Variants in RTTN observed in about 807,000 individuals in gnomAD.
RTTN encodes the protein rotatin.
RTTN carries 182 observed loss-of-function variants against 269.2 expected under a neutral mutation model. The observed-to-expected ratio is 0.68, with a 90% CI of 0.60 to 0.76. The LOEUF is 0.76. Ranked by LOEUF, RTTN falls within the 30% of genes least tolerant of loss-of-function variation. RTTN has a pLI of 0.00. For synonymous variants in RTTN, 1,006 were observed against 963.5 expected (o/e 1.04, Z -0.82); for missense variants, 2,545 against 2,608.6 (o/e 0.98, Z 0.53).
intron 21 of RTTN, 87 bp from the exon 22 acceptor site, chr18:70,135,367 A>G: frequency 1.3e-6 from 1 of 787,992 alleles, no homozygotes; most frequent in Non-Finnish European, 2.0e-6. Context: ...ATTTGAAGAG[A>G]AAAGAAATGC....
chr18:70,029,390 G>A (rs779982902), intron 42 of RTTN, among the ~76,000 whole-genome samples: 1 of 152,086 alleles, frequency 6.6e-6, no homozygotes, highest in African/African-American at 2.4e-5. Flanking sequence ...GTTAACCACA[G>A]TAGTTATTAT....
intron 10 of RTTN, among the ~76,000 whole-genome samples, chr18:70,180,313 G>T (rs190769292): frequency 6.6e-6 from 1 of 152,208 alleles, no homozygotes; most frequent in East Asian, 1.9e-4. Flanking sequence ...TGGCCAACAT[G>T]GCAAAACCCA....
chr18:70,046,553 G>C (rs2144763496), intron 40 of RTTN, among the ~76,000 whole-genome samples: 1 of 152,302 alleles, frequency 6.6e-6, no homozygotes, highest in Admixed American at 6.5e-5. Context: ...TGCAAAACTG[G>C]AGACTCAGTT....
chr18:70,095,682 G>T (rs2058983462), intron 28 of RTTN, among the ~76,000 whole-genome samples: 1 of 152,066 alleles, frequency 6.6e-6, no homozygotes, highest in Admixed American at 6.5e-5. Flanking sequence ...AACAGGGATG[G>T]GCTTCCCTTT....
At chr18:70,102,743 A>C (rs2059203638) in intron 28 of RTTN, among the ~76,000 whole-genome samples, 1 of 152,178 alleles carries the variant, frequency 6.6e-6, no homozygotes, top group Non-Finnish European at 1.5e-5. Context: ...TGATTCCTTC[A>C]GGAGCTCTTG....
intron 40 of RTTN, among the ~76,000 whole-genome samples, chr18:70,036,854 GT>G (rs1199693888): frequency 6.6e-6 from 1 of 152,208 alleles, no homozygotes; most frequent in Non-Finnish European, 1.5e-5. Flanking sequence ...ACAGTACCTG[GT>G]TTTAATGTGT....
chr18:70,128,490 A>C lies in RTTN; in HGVS notation c.3011T>G (p.Val1004Gly), dbSNP rs2059921401. The C allele has an allele frequency of 6.2e-7, 1 of 1,613,240 alleles. No individual in the cohort carries two copies. Among genetic ancestry groups the C allele is most frequent in the Non-Finnish European group, 8.5e-7 (1 of 1,179,496 alleles). ...GHHAVSPYSI[V>G]LPLSADCLAL... ...CAAACAATCAGCAGATAAGGGCAAA[A>C]CTATGGAGTAAGGACTCACAGCATG... Residue 1004 changes from valine (V) to glycine (G), a missense_variant, in exon 24 of 49, where the codon GTT (valine) becomes GGT (glycine). Coordinates refer to ENST00000640769, the MANE Select transcript of RTTN (RefSeq NM_173630.4).
chr18:70,132,877 C>T (rs2060031929), intron 23 of RTTN, among the ~76,000 whole-genome samples: 1 of 152,052 alleles, frequency 6.6e-6, no homozygotes, highest in Non-Finnish European at 1.5e-5. Flanking sequence ...AGTAATAAAA[C>T]CCTTTCTCCT....
At position 70,072,999 on chromosome 18, in the gene RTTN, A is replaced by C. The variant is rs543174226; in HGVS notation, c.4653+907T>G. ...AAAAAGACTTAAAACTGTAGCAAAAAGTATCAGTCTTTTGAGAAACTAGGA... is the reference window on the plus strand; with the variant it reads ...AAAAAGACTTAAAACTGTAGCAAAACGTATCAGTCTTTTGAGAAACTAGGA... On this transcript the variant is annotated intron_variant, in intron 34 of 48. Coordinates refer to ENST00000640769, the MANE Select transcript of RTTN (RefSeq NM_173630.4). Among the ~76,000 whole-genome samples the C allele has an allele frequency of 2.0e-5, 3 of 152,264 alleles. No homozygotes were observed. The East Asian group carries it at 5.8e-4, about 29-fold the overall frequency.
intron 43 of RTTN, among the ~76,000 whole-genome samples, chr18:70,027,584 T>G (rs1194957082): frequency 6.6e-6 from 1 of 152,172 alleles, no homozygotes; most frequent in Non-Finnish European, 1.5e-5. Flanking sequence ...TTTCCCTGAA[T>G]AAGGTGTCAT....
rs530296929 is a variant in RTTN at position 70,096,907 on chromosome 18, C to T, written c.3904-4103G>A. ...GAAGCTGTGCCCACAGCTGCCCCTT[C>T]CCCAAGGTCAAAAATTTAAAATTTT... On this transcript the variant is annotated intron_variant, in intron 28 of 48. Transcript: ENST00000640769. 3.3e-5 allele frequency among the ~76,000 whole-genome samples: 5 copies of T among 152,214 alleles called. No homozygotes were observed. The South Asian group carries it at 1.0e-3, about 32-fold the overall frequency.
At position 70,076,100 on chromosome 18, in the gene RTTN, G is replaced by C. The variant is rs1599408867; in HGVS notation, c.4375-559C>G. On this transcript the variant is annotated intron_variant, in intron 32 of 48. Transcript: ENST00000640769. ...ATACACACACATGAACTGCCACCAGGAGGCTGAAAAGAATCTGCTATTACA... is the reference window on the plus strand; with the variant it reads ...ATACACACACATGAACTGCCACCAGCAGGCTGAAAAGAATCTGCTATTACA... 2.0e-5 allele frequency among the ~76,000 whole-genome samples: 3 copies of C among 151,882 alleles called. No homozygotes were observed. In the East Asian group the frequency reaches 5.8e-4, roughly 29 times the overall value.
At chr18:70,195,008 CAG>C (rs2061768578) in intron 7 of RTTN, among the ~76,000 whole-genome samples, 1 of 152,108 alleles carries the variant, frequency 6.6e-6, no homozygotes, top group African/African-American at 2.4e-5. Flanking sequence ...CATTTACAGT[CAG>C]AGAGAGGGGG....
chr18:70,086,277 T>C (rs2145181341), intron 32 of RTTN, among the ~76,000 whole-genome samples: 1 of 152,300 alleles, frequency 6.6e-6, no homozygotes, highest in Admixed American at 6.5e-5. Context: ...ATTTAAACTC[T>C]CTATGCAAAA....
Position 70,075,198 on chromosome 18 carries a change from G to A in RTTN, c.4564+154C>T, listed in dbSNP as rs907954570. The stretch of plus-strand genomic sequence containing the variant: ...AAGGCTATACAGAGAAAGAAGACGG[G>A]AAGAAAATACATCTCTCTGGGTGGT... On this transcript the variant is annotated intron_variant, in intron 33 of 48. Coordinates refer to ENST00000640769, the MANE Select transcript of RTTN (RefSeq NM_173630.4). The A allele has an allele frequency of 3.6e-5, 19 of 534,668 alleles. No homozygotes were observed. In the African/African-American group the frequency reaches 3.6e-4, roughly 10 times the overall value. 33.1% of individuals were successfully genotyped at this position (534,668 alleles called of 1,614,324 possible).
intron 43 of RTTN, 98 bp from the exon 44 acceptor site, chr18:70,024,946 A>C: frequency 7.3e-7 from 1 of 1,360,654 alleles, no homozygotes; most frequent in Non-Finnish European, 1.0e-6. Flanking sequence ...ATAAGACCCA[A>C]GGAGAACCCT....
chr18:70,168,460 C>A (rs2061049884), intron 12 of RTTN, among the ~76,000 whole-genome samples: 1 of 152,066 alleles, frequency 6.6e-6, no homozygotes, highest in Non-Finnish European at 1.5e-5. Context: ...TAAGAACTAT[C>A]TATAAAATAT....
chr18:70,157,720 G>A (rs897230458), intron 14 of RTTN, among the ~76,000 whole-genome samples: 1 of 152,034 alleles, frequency 6.6e-6, no homozygotes, highest in African/African-American at 2.4e-5. Context: ...GTAAAATGGT[G>A]GTTTGATCCA....
At chr18:70,091,167 T>C (rs1454511114) in intron 30 of RTTN, among the ~76,000 whole-genome samples, 2 of 152,170 alleles carry the variant, frequency 1.3e-5, no homozygotes, top group Non-Finnish European at 2.9e-5. Flanking sequence ...ACTTTACAGT[T>C]GATTTGGGAA....
Sources: gnomAD v4.1 joint callset for allele counts (sites outside exome capture counted in the v4.1 genomes callset) on GRCh38, gnomAD v4.1.1 for gene constraint, MANE v1.5 for transcripts, NCBI Gene and HGNC (gene_info 2026-07-23, HGNC 2026-07-21) for gene names.